The following SNX6 variants were observed in gnomAD, a reference collection of about 807,000 sequenced individuals.
The protein encoded by SNX6 is sorting nexin-6.
SNX6 carries 34 observed loss-of-function variants against 63.0 expected under a neutral mutation model. The observed-to-expected ratio is 0.54, with a 90% CI of 0.41 to 0.72. The LOEUF (loss-of-function observed/expected upper bound fraction) is 0.72, where lower values mean the gene tolerates loss of function less well. SNX6 is among the 30% of genes least tolerant of loss of function. The probability of loss-of-function intolerance (pLI) is 0.00; values close to 1 mark genes in which losing one functional copy is unlikely to be tolerated. For synonymous variants in SNX6, 170 were observed against 164.2 expected, an observed-to-expected ratio of 1.04 and a Z score of -0.27; for missense variants, 398 against 471.4, an observed-to-expected ratio of 0.84 and a Z score of 1.44.
chr14:34,607,191 A>G (rs938760072), intron 4 of SNX6, among the ~76,000 whole-genome samples: 1 of 152,212 alleles, frequency 6.6e-6, no homozygotes, highest in Non-Finnish European at 1.5e-5. Context: ...GGAATGTAAC[A>G]TACCCCACAT....
At position 34,614,120 on chromosome 14, in the gene SNX6, A is replaced by T. The variant is rs534932632; in HGVS notation, c.55-4378T>A. Among the ~76,000 whole-genome samples, 7 of 151,606 alleles carry T rather than the reference A, an allele frequency of 4.6e-5. 1 individual carries two copies. In the South Asian group the frequency reaches 1.3e-3, roughly 27 times the overall value. ...AGACTCCATCTCAACACAAAAACAAAAACAAAAACAAAAAAACAGAATCTG... is the reference window on the plus strand; with the variant it reads ...AGACTCCATCTCAACACAAAAACAATAACAAAAACAAAAAAACAGAATCTG... On this transcript the variant is annotated intron_variant, in intron 2 of 13. Coordinates refer to ENST00000362031, the MANE Select transcript of SNX6 (RefSeq NM_152233.4).
At chr14:34,594,742 T>C (rs1343125965) in intron 7 of SNX6, among the ~76,000 whole-genome samples, 2 of 152,140 alleles carry the variant, frequency 1.3e-5, no homozygotes, top group South Asian at 2.1e-4. Flanking sequence ...CAGGATATAA[T>C]TGGAGACCCA....
At chr14:34,567,546 T>C (rs1418168362) in intron 13 of SNX6, 140 bp downstream of exon 13, 1 of 724,112 alleles carries the variant, frequency 1.4e-6, no homozygotes, top group African/African-American at 1.8e-5. Flanking sequence ...TGAAATAATC[T>C]TGGAAAATGT....
intron 8 of SNX6, among the ~76,000 whole-genome samples, chr14:34,589,471 C>G (rs1040968865): frequency 6.6e-6 from 1 of 151,714 alleles, no homozygotes; most frequent in Non-Finnish European, 1.5e-5. Context: ...AAACACAAAA[C>G]AAAACAAAAA....
chr14:34,586,321 T>G lies in SNX6; in HGVS notation c.719-16A>C. Reference sequence around the variant, plus strand: ...TCTGCAGCACCTATGGAGAAAGTTTTAAGAATTTAGTATACCTATTCATAG... The same window carrying G: ...TCTGCAGCACCTATGGAGAAAGTTTGAAGAATTTAGTATACCTATTCATAG... On this transcript the variant is annotated splice_polypyrimidine_tract_variant and intron_variant, in intron 8 of 13. Coordinates refer to ENST00000362031, the MANE Select transcript of SNX6 (RefSeq NM_152233.4). 1 of 1,561,432 alleles carries G rather than the reference T, an allele frequency of 6.4e-7. No homozygotes were observed. Among genetic ancestry groups the G allele is most frequent in the Non-Finnish European group, 8.8e-7 (1 of 1,134,198 alleles).
chr14:34,577,061 AACAAAAC>A (rs929533439), intron 10 of SNX6, among the ~76,000 whole-genome samples: 2 of 151,922 alleles, frequency 1.3e-5, no homozygotes, highest in Non-Finnish European at 2.9e-5. Flanking sequence ...AAAAACAAAA[AACAAAAC>A]AAAAAAAAAC....
At chr14:34,607,996 GAAAATGGAATT>G (rs780244204) in intron 4 of SNX6, 23 bp downstream of exon 4, 1 of 1,132,254 alleles carries the variant, frequency 8.8e-7, no homozygotes, top group South Asian at 1.4e-5. Flanking sequence ...AAACCTCCTA[GAAAATGGAATT>G]AAAATGGAGT....
At chr14:34,604,556 G>A (rs1176843853) in intron 5 of SNX6, among the ~76,000 whole-genome samples, 3 of 152,090 alleles carry the variant, frequency 2.0e-5, no homozygotes, top group Non-Finnish European at 2.9e-5. Flanking sequence ...ACCAGAAAAA[G>A]TGACAGAGGT....
At position 34,575,861 on chromosome 14, in the gene SNX6, T is replaced by C. The variant is rs201531487; in HGVS notation, c.835-19A>G. On this transcript the variant is annotated intron_variant, in intron 10 of 13. Transcript: ENST00000362031. ...CTATTTTCTGAAAAGAAGGAAAAAA[T>C]TGAATATTTAATCAACAACTACATT... The C allele has an allele frequency of 4.6e-5, 67 of 1,452,464 alleles. No homozygotes were observed. The East Asian group carries it at 8.6e-4, about 19-fold the overall frequency. 90.0% of individuals were successfully genotyped at this position (1,452,464 alleles called of 1,614,324 possible). A position where few individuals can be genotyped will look rare whatever the true frequency, so the allele number is the denominator to read the frequency against.
intron 4 of SNX6, 35 bp from the exon 5 acceptor site, chr14:34,605,752 T>G (rs769888300): frequency 3.2e-6 from 5 of 1,581,856 alleles, no homozygotes; most frequent in Non-Finnish European, 4.3e-6. Context: ...TTTAAGGAAA[T>G]TTTCATTTCT....
chr14:34,594,150 G>A (rs1594722835), intron 7 of SNX6, among the ~76,000 whole-genome samples: 1 of 152,220 alleles, frequency 6.6e-6, no homozygotes, highest in South Asian at 2.1e-4. Context: ...CAGTTCTGGT[G>A]GACAGAAGTG....
intron 8 of SNX6, among the ~76,000 whole-genome samples, chr14:34,587,275 G>A (rs1882204215): frequency 1.3e-5 from 2 of 151,686 alleles, no homozygotes; most frequent in African/African-American, 4.8e-5. Context: ...GCTCATGCCT[G>A]TAATCCCAGC....
At chr14:34,623,274 G>T (rs1883696461) in intron 2 of SNX6, among the ~76,000 whole-genome samples, 2 of 151,572 alleles carry the variant, frequency 1.3e-5, no homozygotes, top group Non-Finnish European at 2.9e-5. Flanking sequence ...AGGTGAGGGG[G>T]AAAAAAAACA....
At chr14:34,599,934 A>G (rs1882743957) in intron 6 of SNX6, among the ~76,000 whole-genome samples, 1 of 152,050 alleles carries the variant, frequency 6.6e-6, no homozygotes, top group Admixed American at 6.6e-5. Context: ...CTTTCTTCAT[A>G]GCTCAAATTC....
chr14:34,630,142 C>G lies in SNX6; in HGVS notation c.-26G>C, dbSNP rs1457503344. On this transcript the variant is annotated 5_prime_UTR_variant, in exon 1 of 14. Coordinates refer to ENST00000362031, the MANE Select transcript of SNX6 (RefSeq NM_152233.4). ...GGCTGCTCCGAGGCGAGGGCCGGCG[C>G]AGGCGCGCATCTCCCTGCTGCCGGA... 1 of 1,306,972 alleles carries G rather than the reference C, an allele frequency of 7.7e-7. No homozygotes were observed. Among genetic ancestry groups the G allele is most frequent in the African/African-American group, 1.5e-5 (1 of 64,720 alleles). 81.0% of individuals were successfully genotyped at this position (1,306,972 alleles called of 1,614,324 possible).
At chr14:34,603,186 G>A (rs914120888) in intron 6 of SNX6, among the ~76,000 whole-genome samples, 162 bp downstream of exon 6, 9 of 151,630 alleles carry the variant, frequency 5.9e-5, no homozygotes, top group African/African-American at 9.7e-5. Flanking sequence ...GCTGAGGCAG[G>A]AGAATGGCAT....
chr14:34,599,932 A>C (rs1882743757), intron 6 of SNX6, among the ~76,000 whole-genome samples: 1 of 152,000 alleles, frequency 6.6e-6, no homozygotes, highest in Admixed American at 6.6e-5. Context: ...TCCTTTCTTC[A>C]TAGCTCAAAT....
intron 2 of SNX6, among the ~76,000 whole-genome samples, chr14:34,614,742 A>C (rs1883356492): frequency 6.6e-6 from 1 of 152,144 alleles, no homozygotes; most frequent in African/African-American, 2.4e-5. Context: ...ACATAGCAAG[A>C]CCTGTCTCTA....
At chr14:34,600,902 T>G (rs1369234392) in intron 6 of SNX6, among the ~76,000 whole-genome samples, 2 of 151,340 alleles carry the variant, frequency 1.3e-5, no homozygotes, top group African/African-American at 4.9e-5. Flanking sequence ...CCAGGTATGG[T>G]GGCTACTCGG....
Sources: gnomAD v4.1 joint callset for allele counts (sites outside exome capture counted in the v4.1 genomes callset) on GRCh38, gnomAD v4.1.1 for gene constraint, MANE v1.5 for transcripts, NCBI Gene and HGNC (gene_info 2026-07-23, HGNC 2026-07-21) for gene names.